LRRK1: variants seen among roughly 807,000 people sequenced by gnomAD.
LRRK1 encodes the protein leucine rich repeat kinase 1.
LRRK1 carries 113 observed loss-of-function variants against 209.1 expected under a neutral mutation model. The ratio of observed to expected loss-of-function variants is 0.54; its 90% CI spans 0.46 to 0.63. The LOEUF is 0.63. Among genes scored for constraint, LRRK1 ranks in the 30% least tolerant of loss-of-function variants. LRRK1 has a pLI of 0.00. For missense variants in LRRK1, 2,284 were observed against 2,632.2 expected (o/e 0.87, Z 2.89); for synonymous variants, 1,144 against 1,099.7 (o/e 1.04, Z -0.80).
At chr15:101,064,090 G>A (rs1018392168) in intron 31 of LRRK1, among the ~76,000 whole-genome samples, 2 of 152,236 alleles carry the variant, frequency 1.3e-5, no homozygotes, top group African/African-American at 2.4e-5. Flanking sequence ...GCGCACCCAC[G>A]TTCACACCCA....
intron 20 of LRRK1, among the ~76,000 whole-genome samples, chr15:101,030,637 C>A (rs952709713): frequency 5.9e-5 from 9 of 152,178 alleles, no homozygotes; most frequent in Non-Finnish European, 8.8e-5. Context: ...TCCCTGTACC[C>A]CTGACACCCA....
intron 28 of LRRK1, among the ~76,000 whole-genome samples, chr15:101,057,402 CA>C (rs2035872405): frequency 6.6e-6 from 1 of 152,304 alleles, no homozygotes; most frequent in African/African-American, 2.4e-5. Flanking sequence ...TTGTGAGAAT[CA>C]GGGATCATAT....
At chr15:100,972,319 T>TATAC (rs1555462615) in intron 2 of LRRK1, among the ~76,000 whole-genome samples, 1 of 86,386 alleles carries the variant, frequency 1.2e-5, no homozygotes, top group Non-Finnish European at 2.2e-5. Context: ...TAATTTGGGA[T>TATAC]ATATATATAT....
Position 101,076,095 on chromosome 15 carries a change from G to C in LRRK1, c.*7247G>C, listed in dbSNP as rs529562725. 4.6e-5 allele frequency: 7 copies of C among 152,274 alleles called. No individual in the cohort carries two copies. In the South Asian group the frequency reaches 1.0e-3, roughly 23 times the overall value. The allele number at this position is 152,274 out of a possible 1,614,324, so 9.4% of individuals were successfully genotyped here. A position where few individuals can be genotyped will look rare whatever the true frequency, so the allele number is the denominator to read the frequency against. ...TTCCTAGGCATGGTTAGTGCAGTCA[G>C]AATTCTTACACAAGAGCCAGGACCG... On this transcript the variant is annotated 3_prime_UTR_variant, in exon 34 of 34. Coordinates refer to ENST00000388948, the MANE Select transcript of LRRK1 (RefSeq NM_024652.6).
intron 20 of LRRK1, among the ~76,000 whole-genome samples, chr15:101,030,580 A>G (rs1018739947): frequency 1.3e-5 from 2 of 151,586 alleles, no homozygotes; most frequent in African/African-American, 4.9e-5. Context: ...CCCACGCCCC[A>G]CCCACGGAAC....
Position 101,066,711 on chromosome 15 carries a change from T to A in LRRK1, c.5840T>A (p.Val1947Asp). ...SGAQRGRVIAVLKARELTPHG... is the reference protein window; with the variant it reads ...SGAQRGRVIADLKARELTPHG... ...GCCCAGCGGGGCCGAGTCATTGCCG[T>A]CTTAAAAGCCCGAGAGCTGACTCCG... The change falls in exon 33 of 34, where the codon GTC (valine) becomes GAC (aspartate). Residue 1947 changes from valine to aspartate, a missense_variant. Physicochemically the swap from Val to Asp is radical, Grantham distance 152 (BLOSUM62 -3). This residue lies in a region of LRRK1 where 643 missense variants were observed against 695.9 expected (regional missense o/e 0.92). Transcript: ENST00000388948. The A allele has an allele frequency of 6.2e-7, 1 of 1,614,168 alleles. No homozygotes were observed. Among genetic ancestry groups the A allele is most frequent in the African/African-American group, 1.3e-5 (1 of 75,052 alleles).
intron 2 of LRRK1, among the ~76,000 whole-genome samples, chr15:100,953,915 T>TTTGTTG (rs991760055): frequency 1.6e-4 from 25 of 151,868 alleles, no homozygotes; most frequent in Non-Finnish European, 3.1e-4. Flanking sequence ...GTTTGTTTGT[T>TTTGTTG]TTGTTGTTGT....
At chr15:101,051,689 C>A in intron 23 of LRRK1, 22 bp from the exon 24 acceptor site, 1 of 1,610,488 alleles carries the variant, frequency 6.2e-7, no homozygotes, top group South Asian at 1.1e-5. Context: ...GTGAAGCTGT[C>A]TCCTGCTCTG....
intron 2 of LRRK1, among the ~76,000 whole-genome samples, chr15:100,944,378 C>T (rs772938433): frequency 1.4e-4 from 22 of 152,190 alleles, no homozygotes; most frequent in Non-Finnish European, 2.8e-4. Context: ...TGTTAACTCT[C>T]GCTGCAGACT....
intron 2 of LRRK1, among the ~76,000 whole-genome samples, chr15:100,959,687 G>C (rs1232499520): frequency 6.6e-6 from 1 of 152,158 alleles, no homozygotes. Context: ...CTTTGTGTAT[G>C]TATTTTTTTA....
intron 22 of LRRK1, 124 bp downstream of exon 22, chr15:101,048,781 A>C: frequency 1.4e-6 from 1 of 737,522 alleles, no homozygotes; most frequent in South Asian, 2.4e-5. Context: ...GCGGCTCGTC[A>C]TGGCAGCTTG....
intron 23 of LRRK1, among the ~76,000 whole-genome samples, chr15:101,050,077 C>T (rs1388686174): frequency 6.6e-6 from 1 of 152,118 alleles, no homozygotes; most frequent in Admixed American, 6.5e-5. Flanking sequence ...CACGAGTGGT[C>T]CACGGAGATG....
intron 22 of LRRK1, 56 bp downstream of exon 22, chr15:101,048,713 C>A: frequency 1.4e-6 from 2 of 1,415,626 alleles, no homozygotes; most frequent in Non-Finnish European, 1.9e-6. Flanking sequence ...GCAGCCACCG[C>A]GGGGCCACGT....
At chr15:101,025,069 A>G (rs2033963914) in intron 16 of LRRK1, 102 bp downstream of exon 16, 2 of 1,199,208 alleles carry the variant, frequency 1.7e-6, no homozygotes, top group Admixed American at 2.3e-5. Flanking sequence ...AAAGGGGGTT[A>G]TGTTGCCACA....
chr15:100,981,071 C>T (rs1002784305), intron 3 of LRRK1, among the ~76,000 whole-genome samples: 3 of 152,180 alleles, frequency 2.0e-5, no homozygotes, highest in Admixed American at 6.5e-5. Context: ...TTGCAGAGGG[C>T]GACTGGGAGG....
At chr15:100,985,048 C>A (rs1399104452) in intron 4 of LRRK1, among the ~76,000 whole-genome samples, 1 of 152,230 alleles carries the variant, frequency 6.6e-6, no homozygotes, top group Admixed American at 6.5e-5. Context: ...CATTGGGCCT[C>A]ACCCCTTATA....
chr15:100,958,426 C>G (rs1442768294), intron 2 of LRRK1, among the ~76,000 whole-genome samples: 1 of 152,208 alleles, frequency 6.6e-6, no homozygotes, highest in Non-Finnish European at 1.5e-5. Context: ...GTCTGTACCT[C>G]TGCTCCCCAG....
intron 6 of LRRK1, among the ~76,000 whole-genome samples, chr15:100,994,696 A>C (rs1252321908): frequency 6.6e-6 from 1 of 152,210 alleles, no homozygotes; most frequent in Non-Finnish European, 1.5e-5. Context: ...CTGAGTCTCA[A>C]GGGCTCCTTG....
intron 26 of LRRK1, among the ~76,000 whole-genome samples, chr15:101,054,211 C>G (rs1479105782): frequency 1.3e-5 from 2 of 152,142 alleles, no homozygotes; most frequent in Non-Finnish European, 2.9e-5. Context: ...TGAGCTCAGT[C>G]GATCCCCCCA....
Sources: gnomAD v4.1 joint callset for allele counts (sites outside exome capture counted in the v4.1 genomes callset) on GRCh38, gnomAD v4.1.1 for gene constraint, gnomAD v4.1.1 regional missense constraint, MANE v1.5 for transcripts, NCBI Gene and HGNC (gene_info 2026-07-23, HGNC 2026-07-21) for gene names.